SLC22A15: variants seen among roughly 807,000 people sequenced by gnomAD.
SLC22A15 encodes the protein flipt 1.
SLC22A15 carries 45 observed loss-of-function variants against 62.7 expected under a neutral mutation model. The ratio of observed to expected loss-of-function variants is 0.72; its 90% CI spans 0.56 to 0.92. SLC22A15 has a LOEUF of 0.92. Among genes scored for constraint, SLC22A15 ranks in the 40% least tolerant of loss-of-function variants. The pLI is 0.00. For synonymous variants in SLC22A15, 264 were observed against 267.0 expected (o/e 0.99, Z 0.11); for missense variants, 622 against 665.6 (o/e 0.93, Z 0.72).
At chr1:115,995,387 G>C (rs1441388391) in intron 2 of SLC22A15, among the ~76,000 whole-genome samples, 2 of 152,142 alleles carry the variant, frequency 1.3e-5, no homozygotes, top group African/African-American at 4.8e-5. Flanking sequence ...AAGTAGCTGG[G>C]ATTACAGGCA....
chr1:116,018,122 T>G (rs549358397), intron 2 of SLC22A15, among the ~76,000 whole-genome samples: 24 of 152,348 alleles, frequency 1.6e-4, no homozygotes, highest in African/African-American at 5.0e-4. Context: ...CAGGACGCTT[T>G]CAACATTCCA....
chr1:116,059,814 A>AT (rs1465721255), intron 8 of SLC22A15, among the ~76,000 whole-genome samples: 1 of 152,214 alleles, frequency 6.6e-6, no homozygotes, highest in African/African-American at 2.4e-5. Flanking sequence ...AAATGTGACT[A>AT]TATCATACTA....
chr1:116,029,415 A>G (rs1294714030), intron 5 of SLC22A15, among the ~76,000 whole-genome samples: 2 of 152,158 alleles, frequency 1.3e-5, no homozygotes, highest in Admixed American at 1.3e-4. Context: ...CACGGCACAG[A>G]TGACCCTGCT....
At position 116,035,319 on chromosome 1, in the gene SLC22A15, C is replaced by G. The variant is rs1657594299; in HGVS notation, c.1077C>G (p.Asn359Lys). The G allele has an allele frequency of 1.9e-6, 3 of 1,610,530 alleles. No individual in the cohort carries two copies. Among genetic ancestry groups the G allele is most frequent in the Non-Finnish European group, 2.5e-6 (3 of 1,178,546 alleles). The change falls in exon 7 of 12, where the codon AAC becomes AAG. Residue 359 changes from asparagine to lysine, a missense_variant. Transcript: ENST00000369503. ...PSYPLCIYLI[N>K]QKWFGRKRTL... is the part of the protein sequence containing the mutation. ...ACCCTCTCTGTATCTACTTGATTAA[C>G]CAAAAATGGTGAGTAAGTGTGGATG...
intron 5 of SLC22A15, among the ~76,000 whole-genome samples, chr1:116,028,804 C>T (rs1657233520): frequency 6.6e-6 from 1 of 152,178 alleles, no homozygotes; most frequent in Non-Finnish European, 1.5e-5. Context: ...TGCTGCTACT[C>T]AGTGCTGTGT....
At chr1:116,065,294 G>A (rs1465506756) in intron 10 of SLC22A15, among the ~76,000 whole-genome samples, 1 of 152,126 alleles carries the variant, frequency 6.6e-6, no homozygotes, top group Non-Finnish European at 1.5e-5. Context: ...CTGAGGTGCA[G>A]TACATTTCCC....
At chr1:115,982,284 T>C (rs1654647131) in intron 1 of SLC22A15, among the ~76,000 whole-genome samples, 2 of 152,176 alleles carry the variant, frequency 1.3e-5, no homozygotes, top group Admixed American at 1.3e-4. Flanking sequence ...ATATGGTGAT[T>C]GTAGAAAAAA....
chr1:115,994,307 G>A (rs1655312180), intron 2 of SLC22A15, among the ~76,000 whole-genome samples: 1 of 152,064 alleles, frequency 6.6e-6, no homozygotes, highest in Admixed American at 6.5e-5. Context: ...AATTATCAAA[G>A]TAATTCTATG....
intron 4 of SLC22A15, among the ~76,000 whole-genome samples, chr1:116,025,673 C>G (rs1657052761): frequency 6.6e-6 from 1 of 152,170 alleles, no homozygotes; most frequent in African/African-American, 2.4e-5. Flanking sequence ...CAAGTCCTGG[C>G]CCTGCTACTT....
intron 2 of SLC22A15, among the ~76,000 whole-genome samples, chr1:116,012,159 A>G (rs904167314): frequency 1.3e-5 from 2 of 152,210 alleles, no homozygotes; most frequent in African/African-American, 2.4e-5. Flanking sequence ...AAATGTCACT[A>G]TAAATTAGAA....
chr1:116,012,004 A>G (rs566180106), intron 2 of SLC22A15, among the ~76,000 whole-genome samples: 19 of 152,314 alleles, frequency 1.2e-4, no homozygotes, highest in Admixed American at 1.2e-3. Flanking sequence ...CAGGGAGGGC[A>G]AGAAAGGGCA....
At chr1:116,053,121 A>G (rs898030697) in intron 8 of SLC22A15, among the ~76,000 whole-genome samples, 6 of 152,214 alleles carry the variant, frequency 3.9e-5, no homozygotes, top group African/African-American at 1.2e-4. Context: ...ACAGGAGGAA[A>G]TTCAAACCAA....
chr1:115,981,214 T>A (rs182888934), intron 1 of SLC22A15, among the ~76,000 whole-genome samples: 62 of 152,316 alleles, frequency 4.1e-4, no homozygotes, highest in Non-Finnish European at 8.4e-4. Flanking sequence ...AAGCTCTTGT[T>A]CAGTTATAAA....
At chr1:115,978,853 G>A (rs1654456426) in intron 1 of SLC22A15, among the ~76,000 whole-genome samples, 1 of 152,140 alleles carries the variant, frequency 6.6e-6, no homozygotes, top group South Asian at 2.1e-4. Flanking sequence ...AGAGTAAGAA[G>A]CCCTTTTTAC....
rs577556571 is a variant in SLC22A15, at chr1:115,999,203, A to G, written c.300+6960A>G. On this transcript the variant is annotated intron_variant, in intron 2 of 11. Transcript: ENST00000369503. ...TTGTTTTGTGGCTAACATGTGGTCT[A>G]TCTTTCAGCATGATCCATTTGCTGA... Among the ~76,000 whole-genome samples, 53 of 152,342 alleles carry G rather than the reference A, an allele frequency of 3.5e-4. 1 individual carries two copies. The highest frequency in any genetic ancestry group is 2.1e-3 in the South Asian group (10 of 4,832).
Position 116,024,351 on chromosome 1 carries a change from T to G in SLC22A15, c.599-2542T>G, listed in dbSNP as rs186066205. On this transcript the variant is annotated intron_variant, in intron 4 of 11. Transcript: ENST00000369503. The stretch of plus-strand genomic sequence containing the variant: ...CCGTTTACAAAAATGAAGTCATAAC[T>G]ATATACTCTTTTCTAACCTGCTGAA... Among the ~76,000 whole-genome samples the G allele has an allele frequency of 1.3e-3, 193 of 152,306 alleles. 1 individual carries two copies. The highest frequency in any genetic ancestry group is 2.2e-4 in the Non-Finnish European group (15 of 68,028).
intron 2 of SLC22A15, among the ~76,000 whole-genome samples, chr1:116,004,884 G>A (rs1005984796): frequency 5.9e-5 from 9 of 151,964 alleles, no homozygotes; most frequent in African/African-American, 9.7e-5. Flanking sequence ...ATTTTGTATT[G>A]GATGAGTTGT....
chr1:116,007,740 G>T (rs1365047705), intron 2 of SLC22A15, among the ~76,000 whole-genome samples: 3 of 152,050 alleles, frequency 2.0e-5, no homozygotes, highest in Non-Finnish European at 2.9e-5. Context: ...AGAATTTAAA[G>T]AATTTTCCCT....
At chr1:116,046,366 G>A (rs1299115095) in intron 8 of SLC22A15, among the ~76,000 whole-genome samples, 2 of 152,140 alleles carry the variant, frequency 1.3e-5, no homozygotes, top group African/African-American at 4.8e-5. Flanking sequence ...TAAAAGACTT[G>A]TATCCAGAAT....
Sources: allele counts gnomAD v4.1 joint callset (sites outside exome capture counted in the v4.1 genomes callset), GRCh38; gene constraint gnomAD v4.1.1; transcripts MANE v1.5; gene names NCBI Gene and HGNC (gene_info 2026-07-23, HGNC 2026-07-21).